Variants in EIF2D observed in about 807,000 individuals in gnomAD.
The protein encoded by EIF2D is eukaryotic translation initiation factor 2D, also known as hepatocellular carcinoma-associated antigen 56.
Under a neutral mutation model 77.4 loss-of-function variants are expected in EIF2D, and 56 were observed. The ratio of observed to expected loss-of-function variants is 0.72; its 90% CI spans 0.58 to 0.90. EIF2D has a LOEUF of 0.90. Among genes scored for constraint, EIF2D ranks in the 40% least tolerant of loss-of-function variants. EIF2D has a pLI of 0.00. For synonymous variants in EIF2D, 230 were observed against 271.0 expected (o/e 0.85, Z 1.49); for missense variants, 574 against 706.5 (o/e 0.81, Z 2.13).
intron 14 of EIF2D, 113 bp downstream of exon 14, chr1:206,593,506 A>AGTGTGTGTGTGCGTGCGTGTGT (rs1286437460): frequency 9.0e-6 from 4 of 442,734 alleles, no homozygotes; most frequent in Non-Finnish European, 1.4e-5. Context: ...AGAGAGAGAG[A>AGTGTGTGTGTGCGTGCGTGTGT]GAGTGTGTGT....
intron 11 of EIF2D, among the ~76,000 whole-genome samples, chr1:206,597,767 A>G (rs907926395): frequency 3.1e-4 from 47 of 152,304 alleles, no homozygotes; most frequent in African/African-American, 1.1e-3. Flanking sequence ...CAACATGGTG[A>G]AACCCCGTCT....
chr1:206,578,623 T>TTCAC (rs1668748911), intron 4 of EIF2D, among the ~76,000 whole-genome samples: 1 of 151,938 alleles, frequency 6.6e-6, no homozygotes, highest in Non-Finnish European at 1.5e-5. Flanking sequence ...TTAGCAAAAA[T>TTCAC]TAGGTTTGTG....
At chr1:206,589,762 A>T (rs1052879288), downstream of EIF2D, among the ~76,000 whole-genome samples, 1 of 152,244 alleles carries the variant, frequency 6.6e-6, no homozygotes, top group African/African-American at 2.4e-5. Flanking sequence ...GACTTTCATC[A>T]AAGGAACATC....
intron 7 of EIF2D, chr1:206,602,111 C>G: frequency 2.0e-6 from 1 of 499,360 alleles, no homozygotes; most frequent in Non-Finnish European, 3.6e-6. Context: ...CCTCAATATC[C>G]TTTCATTGGC....
downstream of EIF2D, chr1:206,587,450 C>G (rs1023478370): frequency 4.5e-6 from 1 of 221,434 alleles, no homozygotes; most frequent in African/African-American, 2.4e-5. Flanking sequence ...CTGAGCTAAG[C>G]CCCTGAAAGC....
At chr1:206,587,012 GATTT>G, downstream of EIF2D, 1 of 1,612,728 alleles carries the variant, frequency 6.2e-7, no homozygotes, top group South Asian at 1.1e-5. Flanking sequence ...GGTGCATTCA[GATTT>G]ATTTGTATTA....
At chr1:206,583,347 A>G in intron 2 of EIF2D, 1 of 1,613,268 alleles carries the variant, frequency 6.2e-7, no homozygotes, top group Non-Finnish European at 8.5e-7. Flanking sequence ...CAGCTACAAC[A>G]CGCGAGAGAA....
intron 4 of EIF2D, among the ~76,000 whole-genome samples, chr1:206,607,713 T>C (rs1217077582): frequency 6.6e-6 from 1 of 151,702 alleles, no homozygotes; most frequent in African/African-American, 2.4e-5. Context: ...ACAAAAAAGG[T>C]CACAAACAGG....
chr1:206,604,967 GA>G (rs1553412345), intron 5 of EIF2D: 1 of 152,800 alleles, frequency 6.5e-6, no homozygotes, highest in African/African-American at 2.4e-5. Context: ...TCTGGAATGT[GA>G]AATCTGAATA....
Position 206,592,521 on chromosome 1 carries a change from A to G in EIF2D, c.1685-676T>C, listed in dbSNP as rs1669389707. On this transcript the variant is annotated intron_variant, in intron 14 of 14. Transcript: ENST00000271764. The surrounding 1 kb of genome is among the most constrained non-coding windows in gnomAD (Gnocchi z 4.7). The stretch of plus-strand genomic sequence containing the variant: ...CGGAAGCACATGTGGGTGAACATGC[A>G]AGGAGAATCTGGAGAACTGCAAGGA... 6.6e-6 allele frequency among the ~76,000 whole-genome samples: 1 copy of G among 152,182 alleles called. No homozygotes were observed. The highest frequency in any genetic ancestry group is 2.1e-4 in the South Asian group (1 of 4,826).
chr1:206,608,432 T>A, intron 3 of EIF2D, 106 bp from the exon 4 acceptor site: 2 of 833,446 alleles, frequency 2.4e-6, no homozygotes, highest in Non-Finnish European at 3.6e-6. Flanking sequence ...TTACTAGGTA[T>A]CAACTATGTT....
chr1:206,593,496 AGAGAGAGAGAGAGT>A, intron 14 of EIF2D, 109 bp downstream of exon 14: 3 of 448,018 alleles, frequency 6.7e-6, no homozygotes, highest in East Asian at 7.6e-5. Flanking sequence ...AGCGAGAGAG[AGAGAGAGAGAGAGT>A]GTGTGTGTGT....
chr1:206,584,822 T>A lies in EIF2D; in HGVS notation c.139-3660A>T. 1 of 908,084 alleles carries A rather than the reference T, an allele frequency of 1.1e-6. No homozygotes were observed. The highest frequency in any genetic ancestry group is 1.7e-6 in the Non-Finnish European group (1 of 599,158). 56.3% of individuals were successfully genotyped at this position (908,084 alleles called of 1,614,324 possible). A position where few individuals can be genotyped will look rare whatever the true frequency, so the allele number is the denominator to read the frequency against. On this transcript the variant is annotated intron_variant and NMD_transcript_variant, in intron 2 of 5. Coordinates refer to the EIF2D transcript ENST00000472709. The surrounding 1 kb of genome is among the most constrained non-coding windows in gnomAD (Gnocchi z 4.9). ...AGGGGTCCAGCTGCCCATGTGGTGT[T>A]CAGATCTGTGGAATCCGGGCAGGGA...
chr1:206,600,958 C>A, intron 7 of EIF2D: 1 of 152,426 alleles, frequency 6.6e-6, no homozygotes. Flanking sequence ...ATGCTGACCC[C>A]TGCACTACAG....
chr1:206,599,436 G>C lies in EIF2D; in HGVS notation c.1202+27C>G. 2 of 1,611,890 alleles carry C rather than the reference G, an allele frequency of 1.2e-6. No homozygotes were observed. Among genetic ancestry groups the C allele is most frequent in the Non-Finnish European group, 1.7e-6 (2 of 1,179,276 alleles). On this transcript the variant is annotated intron_variant, in intron 10 of 14. Transcript: ENST00000271764. This position sits in a 1 kb window ranked among gnomAD's most constrained non-coding sequence, Gnocchi z 4.1. ...TGTAGGCCAGAACACCAAGCAGGCA[G>C]AGAAGGGCTGCTCTCCAAAAACTCA...
Position 206,609,441 on chromosome 1 carries a change from T to C in EIF2D, c.266A>G (p.Tyr89Cys), listed in dbSNP as rs782792616. 6 of 1,614,176 alleles carry C rather than the reference T, an allele frequency of 3.7e-6. No individual in the cohort carries two copies. Among genetic ancestry groups the C allele is most frequent in the Middle Eastern group, 1.6e-4 (1 of 6,062 alleles). Residue 89 changes from tyrosine to cysteine, a missense_variant, in exon 3 of 15, where the codon TAT (tyrosine) becomes TGT (cysteine). Coordinates refer to ENST00000271764, the MANE Select transcript of EIF2D (RefSeq NM_006893.3). Reference protein sequence around the residue: ...LYPTVYTLWSYPDLLPTFTTW... With the variant: ...LYPTVYTLWSCPDLLPTFTTW... The stretch of plus-strand genomic sequence containing the variant: ...TGTAAAGGTTGGCAGAAGATCAGGA[T>C]AGGACCACAGCGTGTACACTGTACA...
At chr1:206,593,239 G>A (rs781851209) in intron 14 of EIF2D, among the ~76,000 whole-genome samples, 1 of 152,142 alleles carries the variant, frequency 6.6e-6, no homozygotes, top group Non-Finnish European at 1.5e-5. Flanking sequence ...CTGCAAAACA[G>A]ATAACAGCTC....
At chr1:206,575,384 T>C (rs567191009) in intron 4 of EIF2D, among the ~76,000 whole-genome samples, 26 of 152,344 alleles carry the variant, frequency 1.7e-4, no homozygotes, top group African/African-American at 6.0e-4. Context: ...CAAAGGCTCA[T>C]GGTGAATGGC....
At chr1:206,598,061 G>T (rs1404393418) in intron 11 of EIF2D, among the ~76,000 whole-genome samples, 1 of 151,748 alleles carries the variant, frequency 6.6e-6, no homozygotes, top group Non-Finnish European at 1.5e-5. Context: ...TTTTTGAGAT[G>T]GGGTTTCACT....
Sources: gnomAD v4.1 joint callset for allele counts (sites outside exome capture counted in the v4.1 genomes callset) on GRCh38, gnomAD v4.1.1 for gene constraint, Gnocchi (gnomAD v3.1) non-coding constraint, MANE v1.5 for transcripts, NCBI Gene and HGNC (gene_info 2026-07-23, HGNC 2026-07-21) for gene names.